Variants in ZSWIM6 observed in about 807,000 individuals in gnomAD.
ZSWIM6 encodes zinc finger SWIM-type containing 6, also known as zinc finger SWIM domain-containing protein 6.
In ZSWIM6, 9 loss-of-function variants were observed where a neutral mutation model predicts 113.2. That is an observed-to-expected ratio of 0.08 (90% CI 0.05 to 0.14). The LOEUF (loss-of-function observed/expected upper bound fraction) is 0.14. Among genes scored for constraint, ZSWIM6 ranks in the 10% least tolerant of loss-of-function variants. ZSWIM6 has a pLI of 1.00. For synonymous variants in ZSWIM6, 611 were observed against 606.5 expected, an observed-to-expected ratio of 1.01 and a Z score of -0.11; for missense variants, 1,162 against 1,552.2, an observed-to-expected ratio of 0.75 and a Z score of 4.22.
chr5:61,343,201 G>A (rs1318283670), intron 1 of ZSWIM6, among the ~76,000 whole-genome samples: 1 of 152,180 alleles, frequency 6.6e-6, no homozygotes, highest in Admixed American at 6.5e-5. Context: ...TAATTGGAAG[G>A]ATGCAGTAGA....
chr5:61,384,536 T>G (rs1745555010), intron 1 of ZSWIM6, among the ~76,000 whole-genome samples: 1 of 152,034 alleles, frequency 6.6e-6, no homozygotes, highest in African/African-American at 2.4e-5. Flanking sequence ...ATTCATGAGA[T>G]TATGGGGTTT....
At chr5:61,510,671 A>G (rs920004224) in intron 4 of ZSWIM6, among the ~76,000 whole-genome samples, 3 of 152,302 alleles carry the variant, frequency 2.0e-5, no homozygotes, top group Middle Eastern at 3.4e-3. Flanking sequence ...GGTATGTGCC[A>G]GATGATGCAC....
Position 61,332,817 on chromosome 5 carries a change from C to T in ZSWIM6, c.545C>T (p.Ala182Val). 3 of 955,534 alleles carry T rather than the reference C, an allele frequency of 3.1e-6. No individual in the cohort carries two copies. The highest frequency in any genetic ancestry group is 5.4e-4 in the Middle Eastern group (1 of 1,850). The allele number at this position is 955,534 out of a possible 1,614,324, so 59.2% of individuals were successfully genotyped here. Residue 182 changes from alanine to valine, a missense_variant, in exon 1 of 14, where the codon GCC becomes GTC. Around this residue, in one of 4 missense-constraint regions of ZSWIM6, gnomAD observed 333 missense variants for 293.4 expected, o/e 1.13. Transcript: ENST00000252744. ...AAAAAAAAAA[A>V]AAGAGAPSVG... is the part of the protein sequence containing the mutation. Reference sequence around the variant, plus strand: ...GCCGCCGCCGCCGCCGCCGCCGCCGCCGCCGCGGGGGCCGGGGCCCCGTCG... The same window carrying T: ...GCCGCCGCCGCCGCCGCCGCCGCCGTCGCCGCGGGGGCCGGGGCCCCGTCG...
At chr5:61,374,911 C>T (rs949858255) in intron 1 of ZSWIM6, among the ~76,000 whole-genome samples, 3 of 152,092 alleles carry the variant, frequency 2.0e-5, no homozygotes, top group African/African-American at 4.8e-5. Context: ...TTGGAAGTAA[C>T]TCCAGTGAAA....
At chr5:61,471,408 C>G (rs1747567771) in intron 1 of ZSWIM6, among the ~76,000 whole-genome samples, 3 of 151,630 alleles carry the variant, frequency 2.0e-5, no homozygotes, top group African/African-American at 7.3e-5. Flanking sequence ...GAGGAGTTGT[C>G]CTCTGGCCAA....
chr5:61,484,003 C>T lies in ZSWIM6; in HGVS notation c.1034-6783C>T, dbSNP rs376768785. Among the ~76,000 whole-genome samples the T allele has an allele frequency of 1.4e-4, 22 of 152,000 alleles. No homozygotes were observed. The East Asian group carries it at 4.1e-3, about 28-fold the overall frequency. ...AGTTAAGAGTAATTTATGTATTCTT[C>T]TATCACTTTTCACTATTAGCATGAA... On this transcript the variant is annotated intron_variant, in intron 2 of 13. Transcript: ENST00000252744.
chr5:61,480,359 G>A (rs959865435), intron 2 of ZSWIM6, among the ~76,000 whole-genome samples: 6 of 152,156 alleles, frequency 3.9e-5, no homozygotes, highest in African/African-American at 1.4e-4. Context: ...ATATGCTGAT[G>A]GCAGTGCTGC....
At chr5:61,478,701 GTGTT>G (rs1188380436) in intron 2 of ZSWIM6, among the ~76,000 whole-genome samples, 3 of 141,224 alleles carry the variant, frequency 2.1e-5, no homozygotes, top group African/African-American at 5.5e-5. Context: ...GTGTGTGTGT[GTGTT>G]TGTGTGTGTG....
In ZSWIM6 at chr5:61,332,774, T is replaced by TG. The variant is rs1561194262; in HGVS notation, c.502_503insG (p.Ser168CysfsTer86). 12 of 250,308 alleles carry TG rather than the reference T, an allele frequency of 4.8e-5. No individual in the cohort carries two copies. The highest frequency in any genetic ancestry group is 4.2e-4 in the East Asian group (1 of 2,392). 15.5% of individuals were successfully genotyped at this position (250,308 alleles called of 1,614,324 possible). A position where few individuals can be genotyped will look rare whatever the true frequency, so the allele number is the denominator to read the frequency against. ...GGCCGCAACCTCGGCGGCCGCAACC[T>TG]CGGCCGCCGCCGCCGCTGCCGCCGC... On this transcript the variant is annotated frameshift_variant, in exon 1 of 14. Coordinates refer to ENST00000252744, the MANE Select transcript of ZSWIM6 (RefSeq NM_020928.2). LOFTEE classifies it high-confidence loss of function.
chr5:61,519,513 C>T (rs892545208), intron 4 of ZSWIM6, among the ~76,000 whole-genome samples: 2 of 152,166 alleles, frequency 1.3e-5, no homozygotes, highest in African/African-American at 4.8e-5. Flanking sequence ...AATCTGCTTG[C>T]TCTTACTTTT....
chr5:61,539,046 T>C, intron 11 of ZSWIM6, 75 bp downstream of exon 11: 1 of 1,416,876 alleles, frequency 7.1e-7, no homozygotes, highest in Non-Finnish European at 9.3e-7. Flanking sequence ...TTGTTTTCTA[T>C]CAAATTCTCA....
chr5:61,497,406 T>C (rs1456883632), intron 4 of ZSWIM6, among the ~76,000 whole-genome samples: 1 of 152,216 alleles, frequency 6.6e-6, no homozygotes, highest in Non-Finnish European at 1.5e-5. Flanking sequence ...GAAAACTTAT[T>C]TGTGGTAGCC....
At position 61,423,385 on chromosome 5, in the gene ZSWIM6, G is replaced by A. The variant is rs538045338; in HGVS notation, c.677-49296G>A. Among the ~76,000 whole-genome samples the A allele has an allele frequency of 2.7e-5, 4 of 150,134 alleles. No individual in the cohort carries two copies. The East Asian group carries it at 7.9e-4, about 30-fold the overall frequency. On this transcript the variant is annotated intron_variant, in intron 1 of 13. Transcript: ENST00000252744. ...ATCGTGCTATTGCATTCCATCCTGG[G>A]CATCAAGAGTGAAACTCCATCTCAA...
chr5:61,542,990 T>C (rs1749782662), intron 13 of ZSWIM6, among the ~76,000 whole-genome samples: 1 of 152,232 alleles, frequency 6.6e-6, no homozygotes, highest in South Asian at 2.1e-4. Flanking sequence ...CTTTGTTCTC[T>C]TGATTATGGG....
chr5:61,374,212 C>T (rs889722941), intron 1 of ZSWIM6, among the ~76,000 whole-genome samples: 4 of 152,150 alleles, frequency 2.6e-5, no homozygotes, highest in Admixed American at 6.5e-5. Flanking sequence ...AAAGATTTTT[C>T]CGGATCATCT....
At chr5:61,390,211 C>T (rs1008167057) in intron 1 of ZSWIM6, among the ~76,000 whole-genome samples, 2 of 152,152 alleles carry the variant, frequency 1.3e-5, no homozygotes, top group Non-Finnish European at 2.9e-5. Flanking sequence ...AGTAATCTAC[C>T]ATATTTGTTT....
In ZSWIM6 at chr5:61,362,115, T is replaced by C. The variant is rs986282312; in HGVS notation, c.676+29167T>C. On this transcript the variant is annotated intron_variant, in intron 1 of 13. Transcript: ENST00000252744. ...CCAGGCTCTGTAGCATCTTTTACTG[T>C]CTTTACTTTATAAACATTCTCCAAC... 2.0e-5 allele frequency among the ~76,000 whole-genome samples: 3 copies of C among 152,312 alleles called. No individual in the cohort carries two copies. The East Asian group carries it at 5.8e-4, about 29-fold the overall frequency.
chr5:61,394,608 G>C (rs999865590), intron 1 of ZSWIM6, among the ~76,000 whole-genome samples: 1 of 152,146 alleles, frequency 6.6e-6, no homozygotes, highest in Non-Finnish European at 1.5e-5. Context: ...TATATATGAG[G>C]GGGGAATTAT....
At chr5:61,474,734 C>T (rs1747665346) in intron 2 of ZSWIM6, among the ~76,000 whole-genome samples, 1 of 152,098 alleles carries the variant, frequency 6.6e-6, no homozygotes, top group African/African-American at 2.4e-5. Flanking sequence ...TTTATTTGTC[C>T]TTGTTCATTT....
Sources: allele counts gnomAD v4.1 joint callset (sites outside exome capture counted in the v4.1 genomes callset), GRCh38; gene constraint gnomAD v4.1.1; regional missense constraint gnomAD v4.1.1; transcripts MANE v1.5; gene names NCBI Gene and HGNC (gene_info 2026-07-23, HGNC 2026-07-21).